MEGF11: variants seen among roughly 807,000 people sequenced by gnomAD.
The protein encoded by MEGF11 is multiple epidermal growth factor-like domains protein 11.
MEGF11 carries 126 observed loss-of-function variants against 146.6 expected under a neutral mutation model. That is an observed-to-expected ratio of 0.86 (90% CI 0.74 to 1.00). MEGF11 has a LOEUF of 1.00. MEGF11 is among the 50% of genes least tolerant of loss of function. MEGF11 has a pLI of 0.00. For synonymous variants in MEGF11, 532 were observed against 583.4 expected (o/e 0.91, Z 1.27); for missense variants, 1,509 against 1,521.2 (o/e 0.99, Z 0.13).
chr15:66,015,809 C>T (rs1190586127), intron 5 of MEGF11, among the ~76,000 whole-genome samples: 2 of 151,932 alleles, frequency 1.3e-5, no homozygotes, highest in African/African-American at 2.4e-5. Context: ...CGGGCCACAG[C>T]CTGAGAGGAC....
chr15:66,083,455 G>A (rs1190109364), intron 5 of MEGF11, among the ~76,000 whole-genome samples: 1 of 152,002 alleles, frequency 6.6e-6, no homozygotes, highest in Non-Finnish European at 1.5e-5. Flanking sequence ...AAAATGAAAT[G>A]GAATCTTTAT....
At chr15:66,184,567 C>T (rs1250297637) in intron 1 of MEGF11, among the ~76,000 whole-genome samples, 2 of 150,936 alleles carry the variant, frequency 1.3e-5, no homozygotes, top group Non-Finnish European at 3.0e-5. Context: ...ACCACCCCCG[C>T]CATCGCTACC....
At chr15:65,984,733 A>G (rs1012018180) in intron 5 of MEGF11, among the ~76,000 whole-genome samples, 2 of 152,070 alleles carry the variant, frequency 1.3e-5, no homozygotes, top group African/African-American at 4.8e-5. Context: ...TGTTGTGACT[A>G]TTATGATAAT....
chr15:66,247,740 A>G (rs1350192654), intron 1 of MEGF11, among the ~76,000 whole-genome samples: 1 of 151,538 alleles, frequency 6.6e-6, no homozygotes, highest in Admixed American at 6.6e-5. Context: ...GAGCCCTTTA[A>G]AAAAAAGATG....
At chr15:66,180,004 A>C (rs1329752166) in intron 1 of MEGF11, among the ~76,000 whole-genome samples, 1 of 152,186 alleles carries the variant, frequency 6.6e-6, no homozygotes, top group Non-Finnish European at 1.5e-5. Context: ...TGCTCCCAAG[A>C]GTCCCTTCTT....
At chr15:66,122,234 A>C (rs906607465) in intron 3 of MEGF11, among the ~76,000 whole-genome samples, 5 of 151,264 alleles carry the variant, frequency 3.3e-5, no homozygotes, top group Non-Finnish European at 7.4e-5. Flanking sequence ...ACTGCACTCC[A>C]GCCTGGGCAA....
intron 1 of MEGF11, among the ~76,000 whole-genome samples, chr15:66,147,781 G>A (rs1375651185): frequency 6.6e-6 from 1 of 152,258 alleles, no homozygotes; most frequent in Non-Finnish European, 1.5e-5. Flanking sequence ...AGCCAGGACT[G>A]TTCTGAGATA....
At chr15:66,168,382 C>T (rs1597132199) in intron 1 of MEGF11, among the ~76,000 whole-genome samples, 1 of 152,158 alleles carries the variant, frequency 6.6e-6, no homozygotes, top group Admixed American at 6.5e-5. Flanking sequence ...CTGTGTGACC[C>T]TCTCCTCTGC....
chr15:66,066,058 C>T (rs1438103972), intron 5 of MEGF11, among the ~76,000 whole-genome samples: 4 of 152,158 alleles, frequency 2.6e-5, no homozygotes, highest in Non-Finnish European at 4.4e-5. Context: ...TGAACAGGGA[C>T]CCAAATGGAC....
intron 10 of MEGF11, among the ~76,000 whole-genome samples, chr15:65,951,775 G>T (rs1025092841): frequency 6.6e-6 from 1 of 152,124 alleles, no homozygotes; most frequent in African/African-American, 2.4e-5. Flanking sequence ...AAGATGAGAG[G>T]ATTGCTTGGG....
chr15:66,232,764 C>T (rs950842309), intron 1 of MEGF11, among the ~76,000 whole-genome samples: 3 of 152,120 alleles, frequency 2.0e-5, no homozygotes, highest in Admixed American at 2.0e-4. Flanking sequence ...TTATCGAGGC[C>T]TACCGTGTGC....
intron 1 of MEGF11, among the ~76,000 whole-genome samples, chr15:66,233,763 C>G (rs908324768): frequency 6.6e-6 from 1 of 152,078 alleles, no homozygotes; most frequent in African/African-American, 2.4e-5. Context: ...ATGGTAGTCC[C>G]TTTCATCATG....
At position 65,955,792 on chromosome 15, in the gene MEGF11, A is replaced by ATATATATATG. The variant is rs1391789752; in HGVS notation, c.1287+1754_1287+1755insCATATATATA. On this transcript the variant is annotated intron_variant, in intron 10 of 25. Transcript: ENST00000395614. ...TATATATATATATATATATATATAT[A>ATATATATATG]TACACACACACACACACACACAATA... Among the ~76,000 whole-genome samples the ATATATATATG allele has an allele frequency of 1.9e-4, 4 of 20,616 alleles. 1 individual carries two copies. In the Admixed American group the frequency reaches 2.8e-3, roughly 15 times the overall value. 13.5% of individuals were successfully genotyped at this position (20,616 alleles called of 152,430 possible). A position where few individuals can be genotyped will look rare whatever the true frequency, so the allele number is the denominator to read the frequency against.
intron 10 of MEGF11, among the ~76,000 whole-genome samples, chr15:65,931,859 G>C (rs895003198): frequency 6.6e-6 from 1 of 152,162 alleles, no homozygotes; most frequent in Non-Finnish European, 1.5e-5. Flanking sequence ...ACTCATAGGA[G>C]ATAGAAGCTA....
rs111808815 is a variant in MEGF11, at chr15:66,065,301, G to GAA, written c.394+29099_394+29100dup. Among the ~76,000 whole-genome samples, 916 of 134,004 alleles carry GAA rather than the reference G, an allele frequency of 6.8e-3. 8 individuals are homozygous for GAA. The highest frequency in any genetic ancestry group is 0.011 in the Non-Finnish European group (663 of 61,478). The allele number at this position is 134,004 out of a possible 152,430, so 87.9% of individuals were successfully genotyped here. ...AGGAGTCTATTTATTCTATGATGGT[G>GAA]AAAAAAAAAAAAAAGATCCAGTTTA... On this transcript the variant is annotated intron_variant, in intron 5 of 25. Transcript: ENST00000395614.
At chr15:66,059,715 C>CAGG (rs1239374891) in intron 5 of MEGF11, among the ~76,000 whole-genome samples, 1 of 152,078 alleles carries the variant, frequency 6.6e-6, no homozygotes, top group Non-Finnish European at 1.5e-5. Context: ...CCCCATTTGT[C>CAGG]AGGGCCAGAA....
chr15:66,011,314 C>G (rs2082705165), intron 5 of MEGF11, among the ~76,000 whole-genome samples: 1 of 152,132 alleles, frequency 6.6e-6, no homozygotes, highest in Non-Finnish European at 1.5e-5. Context: ...AACCAGGAGG[C>G]CTGGCTCCCT....
intron 13 of MEGF11, among the ~76,000 whole-genome samples, chr15:65,924,363 GGGGTGTGGGT>G (rs1202766051): frequency 5.5e-5 from 8 of 144,318 alleles, no homozygotes; most frequent in African/African-American, 2.1e-4. Context: ...GTGGGTAGGT[GGGGTGTGGGT>G]GGGGGGGGGG....
At chr15:66,082,466 AATCTATCTATCTATCTATCTATCTATCT>A (rs200466707) in intron 5 of MEGF11, among the ~76,000 whole-genome samples, 4 of 72,648 alleles carry the variant, frequency 5.5e-5, no homozygotes, top group African/African-American at 2.4e-4. Flanking sequence ...AAAAAAAAAA[AATCTATCTATCTATCTATCTATCTATCT>A]ATCTATCTAT....
Sources: gnomAD v4.1 joint callset for allele counts (sites outside exome capture counted in the v4.1 genomes callset) on GRCh38, gnomAD v4.1.1 for gene constraint, MANE v1.5 for transcripts, NCBI Gene and HGNC (gene_info 2026-07-23, HGNC 2026-07-21) for gene names.